SIPA1L1: variants seen among roughly 807,000 people sequenced by gnomAD.
SIPA1L1 encodes signal induced proliferation associated 1 like 1.
A neutral mutation model predicts 162.7 loss-of-function variants in SIPA1L1; 26 were observed. The observed-to-expected ratio is 0.16, with a 90% CI of 0.12 to 0.22. SIPA1L1 has a LOEUF of 0.22. SIPA1L1 is among the 10% of genes least tolerant of loss of function. SIPA1L1 has a pLI of 1.00. For missense variants in SIPA1L1, 1,874 were observed against 2,241.0 expected (o/e 0.84, Z 3.31); for synonymous variants, 829 against 837.4 (o/e 0.99, Z 0.17).
At chr14:71,699,182 T>C in intron 14 of SIPA1L1, 55 bp downstream of exon 14, 1 of 1,540,108 alleles carries the variant, frequency 6.5e-7, no homozygotes, top group Non-Finnish European at 9.0e-7. Flanking sequence ...ATTTCTTTCA[T>C]CTGTACTCAG....
intron 4 of SIPA1L1, among the ~76,000 whole-genome samples, chr14:71,553,770 T>C (rs2056092036): frequency 6.6e-6 from 1 of 152,236 alleles, no homozygotes; most frequent in Admixed American, 6.5e-5. Flanking sequence ...ATTCTTTTTT[T>C]TTCATATAGA....
chr14:71,620,984 A>G (rs2039379257), intron 6 of SIPA1L1, among the ~76,000 whole-genome samples: 1 of 151,996 alleles, frequency 6.6e-6, no homozygotes, highest in Non-Finnish European at 1.5e-5. Context: ...CTTTATGACA[A>G]CTCTATTACT....
At chr14:71,629,404 C>A (rs776703544) in intron 7 of SIPA1L1, among the ~76,000 whole-genome samples, 4 of 152,216 alleles carry the variant, frequency 2.6e-5, no homozygotes, top group Non-Finnish European at 5.9e-5. Context: ...TCTGTGCAGG[C>A]TGGTCTTGAA....
chr14:71,504,362 T>C (rs1220453822), intron 2 of SIPA1L1, among the ~76,000 whole-genome samples: 2 of 152,182 alleles, frequency 1.3e-5, no homozygotes, highest in African/African-American at 4.8e-5. Flanking sequence ...CATTTAGTTA[T>C]AGAATCAGAA....
intron 19 of SIPA1L1, among the ~76,000 whole-genome samples, chr14:71,729,198 G>A (rs1481862073): frequency 2.0e-5 from 3 of 152,094 alleles, no homozygotes; most frequent in African/African-American, 7.2e-5. Flanking sequence ...ACCACGGCTG[G>A]GTAATTTTTG....
chr14:71,656,507 G>A (rs564681780), intron 8 of SIPA1L1, among the ~76,000 whole-genome samples: 1 of 152,250 alleles, frequency 6.6e-6, no homozygotes, highest in East Asian at 1.9e-4. Flanking sequence ...TTCAAGACCT[G>A]TCTTAAATAG....
intron 7 of SIPA1L1, among the ~76,000 whole-genome samples, chr14:71,632,187 G>T (rs905937217): frequency 1.3e-5 from 2 of 152,172 alleles, no homozygotes; most frequent in Admixed American, 1.3e-4. Flanking sequence ...AACATAAAAT[G>T]AATCTGAAAG....
chr14:71,646,102 T>C (rs2042133650), intron 7 of SIPA1L1, among the ~76,000 whole-genome samples: 1 of 152,178 alleles, frequency 6.6e-6, no homozygotes, highest in African/African-American at 2.4e-5. Context: ...GGTACAGGGC[T>C]GTGACTTTAT....
At chr14:71,499,292 A>G (rs1045298865) in intron 2 of SIPA1L1, among the ~76,000 whole-genome samples, 2 of 152,190 alleles carry the variant, frequency 1.3e-5, no homozygotes, top group African/African-American at 4.8e-5. Flanking sequence ...GTAGTGGGCT[A>G]TGATCGTGTC....
intron 5 of SIPA1L1, among the ~76,000 whole-genome samples, chr14:71,615,261 A>C (rs188197037): frequency 6.6e-6 from 1 of 152,184 alleles, no homozygotes. Flanking sequence ...TTGGTTTTCA[A>C]AATTTAAGAG....
intron 2 of SIPA1L1, among the ~76,000 whole-genome samples, chr14:71,501,949 G>T (rs886792247): frequency 2.0e-5 from 3 of 151,274 alleles, no homozygotes; most frequent in Admixed American, 6.6e-5. Context: ...GGGAGGCCGC[G>T]GTGGGAGGGC....
intron 2 of SIPA1L1, among the ~76,000 whole-genome samples, chr14:71,440,646 CAAAAAAAAAAA>C (rs397853535): frequency 0.037 from 2,050 of 55,878 alleles, 33 homozygotes; most frequent in Middle Eastern, 0.075. Flanking sequence ...GAACCCATCT[CAAAAAAAAAAA>C]AAAAAAAAAA....
intron 4 of SIPA1L1, among the ~76,000 whole-genome samples, chr14:71,540,864 G>C (rs1024497686): frequency 6.6e-6 from 1 of 151,874 alleles, no homozygotes; most frequent in African/African-American, 2.4e-5. Flanking sequence ...GGGTGGCTCA[G>C]GCCTGTAATC....
At chr14:71,346,452 G>A (rs2036177793) in intron 2 of SIPA1L1, among the ~76,000 whole-genome samples, 1 of 152,172 alleles carries the variant, frequency 6.6e-6, no homozygotes, top group South Asian at 2.1e-4. Flanking sequence ...AGACCCTCTT[G>A]CACATGAGAT....
At chr14:71,342,441 C>T (rs2035759122) in intron 2 of SIPA1L1, among the ~76,000 whole-genome samples, 1 of 152,068 alleles carries the variant, frequency 6.6e-6, no homozygotes, top group Non-Finnish European at 1.5e-5. Context: ...ACATTCCCAC[C>T]AACAGTGTAT....
intron 2 of SIPA1L1, among the ~76,000 whole-genome samples, chr14:71,506,996 A>G (rs1454190913): frequency 3.3e-5 from 5 of 152,034 alleles, no homozygotes; most frequent in South Asian, 4.1e-4. Context: ...GCCATAGCAG[A>G]GGTACCTATT....
At position 71,573,547 on chromosome 14, in the gene SIPA1L1, A is replaced by T. The variant is rs1400263816; in HGVS notation, c.-302-14024A>T. On this transcript the variant is annotated intron_variant, in intron 4 of 23. Coordinates refer to ENST00000381232, the MANE Select transcript of SIPA1L1 (RefSeq NM_001386936.1). ...AGTGGATGTCTACAGCTGCACAAGG[A>T]AGGGCAAACCAGCAGAGCTCCTGGG... The T allele has an allele frequency of 7.7e-5, 35 of 456,704 alleles. No individual in the cohort carries two copies. The East Asian group carries it at 2.4e-3, about 31-fold the overall frequency. 28.3% of individuals were successfully genotyped at this position (456,704 alleles called of 1,614,324 possible).
chr14:71,690,343 A>G (rs1435397937), intron 13 of SIPA1L1, among the ~76,000 whole-genome samples: 1 of 152,088 alleles, frequency 6.6e-6, no homozygotes, highest in Non-Finnish European at 1.5e-5. Flanking sequence ...GGTTCAAGCC[A>G]TCCTCCCACC....
At chr14:71,466,005 G>T (rs887310058) in intron 2 of SIPA1L1, among the ~76,000 whole-genome samples, 1 of 152,136 alleles carries the variant, frequency 6.6e-6, no homozygotes, top group Non-Finnish European at 1.5e-5. Flanking sequence ...CCTGCCTTCC[G>T]TAGCCCACTG....
Sources: gnomAD v4.1 joint callset for allele counts (sites outside exome capture counted in the v4.1 genomes callset) on GRCh38, gnomAD v4.1.1 for gene constraint, MANE v1.5 for transcripts, NCBI Gene and HGNC (gene_info 2026-07-23, HGNC 2026-07-21) for gene names.